The following BBX variants were observed in gnomAD, a reference collection of about 807,000 sequenced individuals.
BBX encodes the protein BBX high mobility group box domain containing, also known as HMG box transcription factor BBX.
BBX carries 30 observed loss-of-function variants against 100.2 expected under a neutral mutation model. The observed-to-expected ratio is 0.30, with a 90% CI of 0.22 to 0.41. The LOEUF (loss-of-function observed/expected upper bound fraction) is 0.41, where lower values mean the gene tolerates loss of function less well. Among genes scored for constraint, BBX ranks in the 10% least tolerant of loss-of-function variants. The pLI, the probability that BBX is intolerant of heterozygous loss-of-function variation, is 1.00. For missense variants in BBX, 1,023 were observed against 1,129.8 expected, an observed-to-expected ratio of 0.91 and a Z score of 1.35; for synonymous variants, 376 against 388.1, an observed-to-expected ratio of 0.97 and a Z score of 0.37.
intron 2 of BBX, among the ~76,000 whole-genome samples, chr3:107,593,680 G>T (rs1215122877): frequency 6.6e-6 from 1 of 152,120 alleles, no homozygotes; most frequent in Non-Finnish European, 1.5e-5. Context: ...CAGAGTATTT[G>T]GGAATACATA....
intron 2 of BBX, among the ~76,000 whole-genome samples, chr3:107,605,669 A>G (rs1231551235): frequency 1.3e-5 from 2 of 152,316 alleles, no homozygotes; most frequent in Non-Finnish European, 2.9e-5. Flanking sequence ...TTCTTAATAA[A>G]TCACAGTATG....
At chr3:107,725,347 T>A (rs2062843474) in intron 5 of BBX, among the ~76,000 whole-genome samples, 1 of 152,170 alleles carries the variant, frequency 6.6e-6, no homozygotes, top group Non-Finnish European at 1.5e-5. Flanking sequence ...AATCATGTCA[T>A]CTGCAAATAG....
chr3:107,667,627 G>A (rs1456277702), intron 3 of BBX, among the ~76,000 whole-genome samples: 1 of 151,730 alleles, frequency 6.6e-6, no homozygotes, highest in African/African-American at 2.4e-5. Flanking sequence ...GCTTAATTTG[G>A]AAAAGGTTTT....
chr3:107,658,904 C>G (rs2058290639), intron 3 of BBX, among the ~76,000 whole-genome samples: 3 of 152,080 alleles, frequency 2.0e-5, no homozygotes, highest in African/African-American at 7.2e-5. Context: ...CTTTCAAAGA[C>G]TATATTCTTT....
intron 10 of BBX, among the ~76,000 whole-genome samples, chr3:107,756,063 AT>A (rs1177396640): frequency 4.0e-5 from 6 of 150,748 alleles, no homozygotes; most frequent in African/African-American, 4.9e-5. Flanking sequence ...TGATGTTTGA[AT>A]TTTTTTTTTC....
chr3:107,657,163 A>G (rs1009877417), intron 3 of BBX: 2 of 152,318 alleles, frequency 1.3e-5, no homozygotes, highest in East Asian at 3.9e-4. Context: ...GGGCTTTACT[A>G]TTATCCTAGG....
At position 107,808,460 on chromosome 3, in the gene BBX, T is replaced by C. The variant is rs1182122468; in HGVS notation, c.*3003T>C. On this transcript the variant is annotated 3_prime_UTR_variant, in exon 18 of 18. Coordinates refer to ENST00000325805, the MANE Select transcript of BBX (RefSeq NM_001142568.3). ...TCTCTGCGATGCTGGAAGTAGAAGATTGCGTCTCAGATGGAGACGCAGTAC... is the reference window on the plus strand; with the variant it reads ...TCTCTGCGATGCTGGAAGTAGAAGACTGCGTCTCAGATGGAGACGCAGTAC... 1 of 152,272 alleles carries C rather than the reference T, an allele frequency of 6.6e-6. No homozygotes were observed. Among genetic ancestry groups the C allele is most frequent in the Non-Finnish European group, 1.5e-5 (1 of 68,050 alleles). 9.4% of individuals were successfully genotyped at this position (152,272 alleles called of 1,614,324 possible). A position where few individuals can be genotyped will look rare whatever the true frequency, so the allele number is the denominator to read the frequency against.
chr3:107,659,775 G>A, intron 3 of BBX: 2 of 1,272,922 alleles, frequency 1.6e-6, no homozygotes, highest in South Asian at 2.5e-5. Context: ...TTTAACGTAA[G>A]TGTGTAGATA....
chr3:107,716,879 G>T, intron 5 of BBX, 30 bp downstream of exon 5: 2 of 1,604,624 alleles, frequency 1.2e-6, no homozygotes, highest in Non-Finnish European at 1.7e-6. Flanking sequence ...TATTCTGATA[G>T]CTAAAAGCAA....
At chr3:107,726,175 C>G (rs984853683) in intron 5 of BBX, among the ~76,000 whole-genome samples, 1 of 151,974 alleles carries the variant, frequency 6.6e-6, no homozygotes, top group Non-Finnish European at 1.5e-5. Flanking sequence ...CAGCCTTCTC[C>G]TAATAATCTC....
intron 2 of BBX, among the ~76,000 whole-genome samples, chr3:107,586,164 C>T (rs1187093371): frequency 1.3e-5 from 2 of 152,128 alleles, no homozygotes; most frequent in Middle Eastern, 3.2e-3. Context: ...ACATCATTCT[C>T]TTAACAGTAA....
At chr3:107,630,834 T>C (rs2056502685) in intron 2 of BBX, among the ~76,000 whole-genome samples, 1 of 152,106 alleles carries the variant, frequency 6.6e-6, no homozygotes, top group African/African-American at 2.4e-5. Flanking sequence ...ACAGTGTCAG[T>C]CATGGGCAAG....
intron 3 of BBX, among the ~76,000 whole-genome samples, chr3:107,708,848 A>G (rs1266447460): frequency 6.6e-6 from 1 of 152,196 alleles, no homozygotes. Context: ...GAATTAGAAC[A>G]ATCGACATAT....
At chr3:107,725,484 G>A (rs1331298426) in intron 5 of BBX, among the ~76,000 whole-genome samples, 1 of 152,098 alleles carries the variant, frequency 6.6e-6, no homozygotes, top group South Asian at 2.1e-4. Flanking sequence ...CCTGTCTTGT[G>A]CCAGTTTTCA....
At chr3:107,752,023 T>C (rs1446838052) in intron 9 of BBX, among the ~76,000 whole-genome samples, 1 of 152,220 alleles carries the variant, frequency 6.6e-6, no homozygotes, top group Non-Finnish European at 1.5e-5. Flanking sequence ...TTAACAGGCC[T>C]AAAAGCCATG....
At chr3:107,770,116 C>T (rs41334246) in intron 10 of BBX, among the ~76,000 whole-genome samples, 3,431 of 152,226 alleles carry the variant, frequency 0.023, 61 homozygotes, top group Middle Eastern at 0.041. Context: ...AGAATACGTC[C>T]CCAGAGTGAA....
intron 2 of BBX, among the ~76,000 whole-genome samples, chr3:107,607,534 A>G (rs2054541452): frequency 1.3e-5 from 2 of 152,146 alleles, no homozygotes; most frequent in South Asian, 4.1e-4. Flanking sequence ...GCATGTGTCT[A>G]TTTGACATAT....
intron 2 of BBX, among the ~76,000 whole-genome samples, chr3:107,643,430 G>A (rs1047694876): frequency 1.3e-5 from 2 of 152,046 alleles, no homozygotes; most frequent in African/African-American, 4.8e-5. Context: ...AGTGTCATGG[G>A]TGGGAAGCAG....
intron 3 of BBX, among the ~76,000 whole-genome samples, chr3:107,648,837 G>T (rs1292160147): frequency 1.3e-5 from 2 of 152,240 alleles, no homozygotes; most frequent in Non-Finnish European, 2.9e-5. Flanking sequence ...TGTGGATTAA[G>T]ATGATTGATT....
Sources: allele counts gnomAD v4.1 joint callset (sites outside exome capture counted in the v4.1 genomes callset), GRCh38; gene constraint gnomAD v4.1.1; transcripts MANE v1.5; gene names NCBI Gene and HGNC (gene_info 2026-07-23, HGNC 2026-07-21).